PMEPA1: variants seen among roughly 807,000 people sequenced by gnomAD.
PMEPA1 encodes the protein prostate transmembrane protein, androgen induced 1.
Under a neutral mutation model 23.0 loss-of-function variants are expected in PMEPA1, and 11 were observed. That is an observed-to-expected ratio of 0.48 (90% CI 0.30 to 0.79). PMEPA1 has a LOEUF of 0.79. PMEPA1 is among the 30% of genes least tolerant of loss of function. PMEPA1 has a pLI of 0.06. For missense variants in PMEPA1, 377 were observed against 390.9 expected (o/e 0.96, Z 0.30); for synonymous variants, 204 against 166.4 (o/e 1.23, Z -1.74).
chr20:57,664,280 C>A (rs1379490981), intron 1 of PMEPA1, among the ~76,000 whole-genome samples: 4 of 152,202 alleles, frequency 2.6e-5, no homozygotes, highest in African/African-American at 9.6e-5. Flanking sequence ...CCACCCCACA[C>A]CACCCCAGGG....
chr20:57,665,281 G>C (rs1034818416), intron 1 of PMEPA1, among the ~76,000 whole-genome samples: 1 of 152,172 alleles, frequency 6.6e-6, no homozygotes, highest in Non-Finnish European at 1.5e-5. Context: ...GCAACTAGGA[G>C]CAAGGTTGAG....
chr20:57,676,623 C>G (rs371491103), intron 1 of PMEPA1, among the ~76,000 whole-genome samples: 29 of 152,252 alleles, frequency 1.9e-4, no homozygotes, highest in African/African-American at 6.8e-4. Context: ...TAGATGGGAG[C>G]TCACGGTCCA....
chr20:57,705,443 A>G (rs78477088), intron 1 of PMEPA1, among the ~76,000 whole-genome samples: 1,938 of 152,340 alleles, frequency 0.013, 46 homozygotes, highest in African/African-American at 0.044. Flanking sequence ...CACAGGGGAG[A>G]ACAGCTGGTG....
Position 57,709,720 on chromosome 20 carries a change from G to A in PMEPA1, c.-138C>T, listed in dbSNP as rs2072143076. On this transcript the variant is annotated 5_prime_UTR_variant, in exon 1 of 4. Coordinates refer to ENST00000341744, the MANE Select transcript of PMEPA1 (RefSeq NM_020182.5). ...GCGCGCCCCGGCTCGCCGGGCTCGGGTCGCCGCCAAGTTCCCGGGGCGCCG... is the reference window on the plus strand; with the variant it reads ...GCGCGCCCCGGCTCGCCGGGCTCGGATCGCCGCCAAGTTCCCGGGGCGCCG... The A allele has an allele frequency of 2.0e-6, 2 of 978,710 alleles. No homozygotes were observed. The highest frequency in any genetic ancestry group is 2.4e-6 in the Non-Finnish European group (2 of 827,224). 60.6% of individuals were successfully genotyped at this position (978,710 alleles called of 1,614,324 possible). A position where few individuals can be genotyped will look rare whatever the true frequency, so the allele number is the denominator to read the frequency against.
chr20:57,694,913 C>T (rs1014501078), intron 1 of PMEPA1, among the ~76,000 whole-genome samples: 3 of 152,250 alleles, frequency 2.0e-5, no homozygotes, highest in Non-Finnish European at 4.4e-5. Flanking sequence ...ATGACTGTGA[C>T]CTGGTATCCC....
chr20:57,696,371 G>A (rs2071943269), intron 1 of PMEPA1, among the ~76,000 whole-genome samples: 1 of 152,180 alleles, frequency 6.6e-6, no homozygotes, highest in African/African-American at 2.4e-5. Flanking sequence ...TTCAACCATG[G>A]GCTGGCAAAG....
At chr20:57,697,023 C>T (rs1304038813) in intron 1 of PMEPA1, among the ~76,000 whole-genome samples, 1 of 152,188 alleles carries the variant, frequency 6.6e-6, no homozygotes, top group African/African-American at 2.4e-5. Flanking sequence ...TGGGAGTTCC[C>T]GCTACATGGT....
intron 1 of PMEPA1, among the ~76,000 whole-genome samples, chr20:57,666,239 G>A (rs560718084): frequency 2.1e-4 from 32 of 152,274 alleles, no homozygotes; most frequent in African/African-American, 7.7e-4. Flanking sequence ...CCAGAGACAG[G>A]CACAGTCCCT....
In PMEPA1 at chr20:57,675,975, G is replaced by A. The variant is rs541434425; in HGVS notation, c.110-16278C>T. ...ACATCAGCCGCCTCTCCCTGTCCCC[G>A]CCCCACAGGCGAGGCTATTCCAGCC... On this transcript the variant is annotated intron_variant, in intron 1 of 3. Transcript: ENST00000341744. Among the ~76,000 whole-genome samples the A allele has an allele frequency of 1.6e-4, 24 of 152,306 alleles. No individual in the cohort carries two copies. In the East Asian group the frequency reaches 3.7e-3, roughly 23 times the overall value.
chr20:57,657,086 T>C lies in PMEPA1; in HGVS notation c.264+2457A>G, dbSNP rs1235626969. On this transcript the variant is annotated intron_variant, in intron 2 of 3. Transcript: ENST00000341744. The stretch of plus-strand genomic sequence containing the variant: ...CGAAGGTGTGACGGAATCCTACCCC[T>C]TCCTGGCAGCAGGATCCCAGGTGCC... Among the ~76,000 whole-genome samples, 3 of 152,164 alleles carry C rather than the reference T, an allele frequency of 2.0e-5. No homozygotes were observed. In the East Asian group the frequency reaches 5.8e-4, roughly 29 times the overall value.
intron 1 of PMEPA1, among the ~76,000 whole-genome samples, chr20:57,707,953 T>C (rs1268882132): frequency 6.6e-6 from 1 of 152,238 alleles, no homozygotes; most frequent in Non-Finnish European, 1.5e-5. Context: ...ACGCTGGCTC[T>C]GGGCAGGTCC....
chr20:57,680,672 C>A (rs934558518), intron 1 of PMEPA1, among the ~76,000 whole-genome samples: 1 of 152,234 alleles, frequency 6.6e-6, no homozygotes, highest in Non-Finnish European at 1.5e-5. Context: ...TGAAACCACA[C>A]ACAACCGGTT....
chr20:57,674,938 C>T (rs752299761), intron 1 of PMEPA1, among the ~76,000 whole-genome samples: 44 of 152,302 alleles, frequency 2.9e-4, no homozygotes, highest in Admixed American at 6.5e-4. Flanking sequence ...TGTGGACATA[C>T]GAGGAATAGC....
At chr20:57,708,038 G>A (rs531205134) in intron 1 of PMEPA1, among the ~76,000 whole-genome samples, 2 of 152,324 alleles carry the variant, frequency 1.3e-5, no homozygotes, top group African/African-American at 2.4e-5. Flanking sequence ...CAGGCTGGGA[G>A]GGAGTGTGGA....
chr20:57,678,213 T>G (rs2071665161), intron 1 of PMEPA1, among the ~76,000 whole-genome samples: 1 of 152,166 alleles, frequency 6.6e-6, no homozygotes, highest in African/African-American at 2.4e-5. Flanking sequence ...AAGGTAAGGT[T>G]GATGGTTTGT....
rs2071333217 is a variant in PMEPA1, at chr20:57,656,833, A to G, written c.264+2710T>C. On this transcript the variant is annotated intron_variant, in intron 2 of 3. Coordinates refer to ENST00000341744, the MANE Select transcript of PMEPA1 (RefSeq NM_020182.5). The surrounding 1 kb of genome is among the most constrained non-coding windows in gnomAD (Gnocchi z 4.7). ...GGTCGGATAGCCATGCCAGGGGCAGAGCATGGATGGGCTGGGGGGATGTAG... is the reference window on the plus strand; with the variant it reads ...GGTCGGATAGCCATGCCAGGGGCAGGGCATGGATGGGCTGGGGGGATGTAG... 6.6e-6 allele frequency among the ~76,000 whole-genome samples: 1 copy of G among 152,200 alleles called. No individual in the cohort carries two copies. Among genetic ancestry groups the G allele is most frequent in the Non-Finnish European group, 1.5e-5 (1 of 68,032 alleles).
At chr20:57,685,602 G>A (rs940241864) in intron 1 of PMEPA1, among the ~76,000 whole-genome samples, 1 of 152,102 alleles carries the variant, frequency 6.6e-6, no homozygotes, top group Admixed American at 6.5e-5. Context: ...TGGACTGGCT[G>A]GGGGGAGGGG....
chr20:57,700,050 ATTCATGGC>A, intron 1 of PMEPA1: 1 of 471,296 alleles, frequency 2.1e-6, no homozygotes, highest in Non-Finnish European at 4.4e-6. Context: ...ACTCAGGCAA[ATTCATGGC>A]TGGATTTGTC....
chr20:57,662,976 C>T (rs990585934), intron 1 of PMEPA1, among the ~76,000 whole-genome samples: 4 of 152,316 alleles, frequency 2.6e-5, no homozygotes, highest in Admixed American at 6.5e-5. Flanking sequence ...CAAACCCTCA[C>T]GGCTCTCCTG....
Sources: gnomAD v4.1 joint callset for allele counts (sites outside exome capture counted in the v4.1 genomes callset) on GRCh38, gnomAD v4.1.1 for gene constraint, Gnocchi (gnomAD v3.1) non-coding constraint, MANE v1.5 for transcripts, NCBI Gene and HGNC (gene_info 2026-07-23, HGNC 2026-07-21) for gene names.